PTPRO: variants seen among roughly 807,000 people sequenced by gnomAD.
PTPRO encodes the protein receptor-type tyrosine-protein phosphatase O.
In PTPRO, 62 loss-of-function variants were observed where a neutral mutation model predicts 145.2. That is an observed-to-expected ratio of 0.43 (90% CI 0.35 to 0.53). The LOEUF is 0.53. PTPRO is among the 20% of genes least tolerant of loss of function. The probability of loss-of-function intolerance (pLI) is 0.01; values close to 1 mark genes in which losing one functional copy is unlikely to be tolerated. For synonymous variants in PTPRO, 565 were observed against 514.7 expected (o/e 1.10, Z -1.32); for missense variants, 1,345 against 1,482.7 (o/e 0.91, Z 1.53).
intron 1 of PTPRO, among the ~76,000 whole-genome samples, chr12:15,388,334 T>C (rs116435766): frequency 0.021 from 3,261 of 152,280 alleles, 124 homozygotes; most frequent in African/African-American, 0.074. Context: ...TTAGATAATA[T>C]AGAAGAGATA....
intron 1 of PTPRO, among the ~76,000 whole-genome samples, chr12:15,415,627 C>G (rs560364503): frequency 6.6e-6 from 1 of 151,668 alleles, no homozygotes; most frequent in Non-Finnish European, 1.5e-5. Flanking sequence ...CCTTGTGATC[C>G]GCCCACCCTG....
intron 1 of PTPRO, 52 bp from the exon 2 acceptor site, chr12:15,483,922 C>T (rs1941832058): frequency 5.1e-6 from 8 of 1,564,252 alleles, no homozygotes; most frequent in Admixed American, 5.0e-5. Flanking sequence ...AACTTTATTG[C>T]CAATTATCTG....
At chr12:15,568,615 G>C (rs2135602029) in intron 18 of PTPRO, among the ~76,000 whole-genome samples, 1 of 152,216 alleles carries the variant, frequency 6.6e-6, no homozygotes. Flanking sequence ...AGAGCAAATT[G>C]GTTTAGGTAG....
At chr12:15,536,845 A>G (rs144776187) in intron 12 of PTPRO, among the ~76,000 whole-genome samples, 10 of 152,316 alleles carry the variant, frequency 6.6e-5, no homozygotes, top group African/African-American at 2.4e-4. Context: ...TTGATAAATT[A>G]CATGGTCACC....
chr12:15,591,633 C>T (rs538133572), intron 25 of PTPRO, among the ~76,000 whole-genome samples: 12 of 152,112 alleles, frequency 7.9e-5, no homozygotes, highest in South Asian at 2.1e-4. Context: ...TTGATATCTC[C>T]GCGGACACAG....
chr12:15,502,167 A>C, intron 5 of PTPRO, 104 bp downstream of exon 5: 1 of 1,159,916 alleles, frequency 8.6e-7, no homozygotes, highest in Non-Finnish European at 1.2e-6. Flanking sequence ...GACAGTTATT[A>C]GTCAAAGAAT....
intron 1 of PTPRO, among the ~76,000 whole-genome samples, chr12:15,395,228 C>T (rs1445274607): frequency 2.0e-5 from 3 of 152,008 alleles, no homozygotes; most frequent in East Asian, 3.9e-4. Context: ...TGTAGGATCA[C>T]GGCAGGGTGA....
Position 15,551,566 on chromosome 12 carries a change from C to G in PTPRO, c.2453C>G (p.Pro818Arg). 3.1e-6 allele frequency: 5 copies of G among 1,613,524 alleles called. No homozygotes were observed. The highest frequency in any genetic ancestry group is 4.2e-6 in the Non-Finnish European group (5 of 1,179,810). The change falls in exon 15 of 27, where the codon CCC (proline) becomes CGC (arginine). Residue 818 changes from proline to arginine, a missense_variant. Physicochemically the swap from Pro to Arg is moderately radical, Grantham distance 103 (BLOSUM62 -2). This residue lies in a region of PTPRO where 1,130 missense variants were observed against 1,214.7 expected (regional missense o/e 0.93). Transcript: ENST00000281171. ...AVSTMVTEMN[P>R]NVVVISVLAI... ...ATCTCTTTAGTTACAGAGATGAATC[C>G]CAATGTGGTAGTGATCTCCGTGCTG... is the stretch of plus-strand genomic sequence containing the variant.
chr12:15,409,755 ACT>A (rs768080895), intron 1 of PTPRO, among the ~76,000 whole-genome samples: 2 of 152,194 alleles, frequency 1.3e-5, no homozygotes, highest in Non-Finnish European at 2.9e-5. Context: ...GGTGCTACAC[ACT>A]TTTAAATGAC....
intron 1 of PTPRO, among the ~76,000 whole-genome samples, chr12:15,433,564 C>T (rs147856933): frequency 6.0e-4 from 92 of 152,294 alleles, no homozygotes; most frequent in African/African-American, 2.1e-3. Context: ...CAGTTTCAAT[C>T]TTCTGCATAT....
rs889375309 is a variant in PTPRO, at chr12:15,583,234, C to T, written c.3255+1433C>T. On this transcript the variant is annotated intron_variant, in intron 23 of 26. Coordinates refer to ENST00000281171, the MANE Select transcript of PTPRO (RefSeq NM_030667.3). ...TGGTGGTTCATGCCTGTAATCCCAG[C>T]ACTTTGAGAGGCTGAGGCGAGCAGA... Among the ~76,000 whole-genome samples the T allele has an allele frequency of 2.6e-5, 4 of 152,230 alleles. No individual in the cohort carries two copies. In the South Asian group the frequency reaches 8.3e-4, roughly 32 times the overall value.
intron 25 of PTPRO, 70 bp downstream of exon 25, chr12:15,589,660 T>C: frequency 1.3e-6 from 2 of 1,546,940 alleles, no homozygotes; most frequent in Non-Finnish European, 1.8e-6. Flanking sequence ...TTCAATGATA[T>C]GCTTCAAAAC....
intron 1 of PTPRO, among the ~76,000 whole-genome samples, chr12:15,336,036 C>T (rs1866749695): frequency 6.6e-6 from 1 of 152,116 alleles, no homozygotes; most frequent in Non-Finnish European, 1.5e-5. Flanking sequence ...AGGTGTGCAT[C>T]ATCATGCACG....
chr12:15,497,931 A>G (rs533425254), intron 3 of PTPRO, among the ~76,000 whole-genome samples: 9 of 152,348 alleles, frequency 5.9e-5, no homozygotes, highest in African/African-American at 1.9e-4. Context: ...AAAAGAGCCC[A>G]GGAGAAGTAA....
intron 1 of PTPRO, among the ~76,000 whole-genome samples, chr12:15,465,909 T>C (rs1316748448): frequency 6.6e-6 from 1 of 152,174 alleles, no homozygotes; most frequent in Non-Finnish European, 1.5e-5. Context: ...CCATGGTTTT[T>C]TTTCCCCCAA....
At chr12:15,581,619 G>A (rs1944319552) in intron 22 of PTPRO, 60 bp from the exon 23 acceptor site, 2 of 1,580,414 alleles carry the variant, frequency 1.3e-6, no homozygotes, top group Non-Finnish European at 1.7e-6. Flanking sequence ...CCCTAAGTGA[G>A]CACACTTAAT....
At chr12:15,371,859 C>T (rs958584366) in intron 1 of PTPRO, among the ~76,000 whole-genome samples, 1 of 152,032 alleles carries the variant, frequency 6.6e-6, no homozygotes, top group African/African-American at 2.4e-5. Flanking sequence ...CCCCTTCACT[C>T]GGCACTTCTC....
intron 1 of PTPRO, among the ~76,000 whole-genome samples, chr12:15,431,764 A>G (rs921477894): frequency 6.6e-6 from 1 of 152,188 alleles, no homozygotes; most frequent in Non-Finnish European, 1.5e-5. Flanking sequence ...TTTGGAATCT[A>G]GATTAAAGAA....
intron 1 of PTPRO, among the ~76,000 whole-genome samples, chr12:15,457,030 C>G (rs1565640802): frequency 6.6e-6 from 1 of 151,694 alleles, no homozygotes; most frequent in Non-Finnish European, 1.5e-5. Context: ...TTTTCTGGTT[C>G]TTTGGGGTGT....
Sources: gnomAD v4.1 joint callset for allele counts (sites outside exome capture counted in the v4.1 genomes callset) on GRCh38, gnomAD v4.1.1 for gene constraint, gnomAD v4.1.1 regional missense constraint, MANE v1.5 for transcripts, NCBI Gene and HGNC (gene_info 2026-07-23, HGNC 2026-07-21) for gene names.